The following CASK variants were observed in gnomAD, a reference collection of about 807,000 sequenced individuals.
CASK encodes the protein peripheral plasma membrane protein CASK.
Under a neutral mutation model 82.9 loss-of-function variants are expected in CASK, and 4 were observed. That is an observed-to-expected ratio of 0.05 (90% CI 0.02 to 0.11). CASK has a LOEUF of 0.11. Among genes scored for constraint, CASK ranks in the 10% least tolerant of loss-of-function variants. The pLI is 1.00. For synonymous variants in CASK, 259 were observed against 253.5 expected (o/e 1.02, Z -0.20); for missense variants, 358 against 720.9 (o/e 0.50, Z 5.76).
At chrX:41,700,290 A>G (rs1369786426) in intron 5 of CASK, among the ~76,000 whole-genome samples, 1 of 112,000 alleles carries the variant, frequency 8.9e-6, no homozygotes, top group African/African-American at 3.2e-5. Flanking sequence ...TAGAGGTAAT[A>G]TAACTATTTG....
intron 2 of CASK, among the ~76,000 whole-genome samples, chrX:41,804,067 G>T (rs1602648337): frequency 9.0e-6 from 1 of 111,527 alleles, no homozygotes; most frequent in East Asian, 2.8e-4. Flanking sequence ...ATGATAATTG[G>T]CCAGGCGCGG....
chrX:41,733,058 C>A (rs997570521), intron 5 of CASK, among the ~76,000 whole-genome samples: 5 of 108,765 alleles, frequency 4.6e-5, no homozygotes, highest in Non-Finnish European at 5.7e-5. Context: ...CGCCTGTAAT[C>A]TCAGCTACTC....
chrX:41,829,324 A>G (rs2070735854), intron 2 of CASK, among the ~76,000 whole-genome samples: 1 of 110,220 alleles, frequency 9.1e-6, no homozygotes, highest in East Asian at 2.9e-4. Context: ...TTGACCTCAA[A>G]CTTCATATAT....
chrX:41,869,228 A>G (rs1305579722), intron 1 of CASK, among the ~76,000 whole-genome samples: 1 of 111,598 alleles, frequency 9.0e-6, no homozygotes, highest in Non-Finnish European at 1.9e-5. Flanking sequence ...GAGTGAGTGA[A>G]TACCTACAGT....
At chrX:41,899,350 A>C (rs2072327188) in intron 1 of CASK, among the ~76,000 whole-genome samples, 1 of 111,010 alleles carries the variant, frequency 9.0e-6, no homozygotes, top group African/African-American at 3.3e-5. Context: ...GTTGAGTCTT[A>C]TTTCTTTTTA....
chrX:41,790,171 C>A (rs1020459028), intron 2 of CASK: 5 of 907,001 alleles, frequency 5.5e-6, no homozygotes, highest in Non-Finnish European at 7.1e-6. Flanking sequence ...TTTTTATTTG[C>A]CACTATTTTA....
Position 41,539,137 on chromosome X carries a change from A to T in CASK, c.2155+3554T>A, listed in dbSNP as rs780811437. Among the ~76,000 whole-genome samples the T allele has an allele frequency of 4.5e-5, 5 of 112,239 alleles. No individual in the cohort carries two copies. In the East Asian group the frequency reaches 1.4e-3, roughly 31 times the overall value. On this transcript the variant is annotated intron_variant, in intron 22 of 26. Transcript: ENST00000378163. Reference sequence around the variant, plus strand: ...TGTGTGTGTGGGAGTTAGAGGGACAAAATTTACTTATGGGTCAAATTCAGC... The same window carrying T: ...TGTGTGTGTGGGAGTTAGAGGGACATAATTTACTTATGGGTCAAATTCAGC...
intron 5 of CASK, among the ~76,000 whole-genome samples, chrX:41,685,968 T>C (rs774181559): frequency 1.4e-4 from 16 of 111,947 alleles, no homozygotes; most frequent in Non-Finnish European, 2.8e-4. Flanking sequence ...TTTCAAGGAA[T>C]AGAAGAATGA....
At chrX:41,697,409 T>C (rs1188603686) in intron 5 of CASK, 2 of 117,475 alleles carry the variant, frequency 1.7e-5, no homozygotes, top group Admixed American at 9.5e-5. Flanking sequence ...TTAAAACAGG[T>C]TTATAAACAA....
chrX:41,727,064 T>C, intron 5 of CASK: 1 of 1,171,230 alleles, frequency 8.5e-7, no homozygotes, highest in Non-Finnish European at 1.2e-6. Context: ...CCATCTATGA[T>C]CTCTTCCATG....
intron 21 of CASK, among the ~76,000 whole-genome samples, chrX:41,544,548 C>T (rs1222217781): frequency 1.1e-5 from 1 of 93,215 alleles, no homozygotes; most frequent in African/African-American, 4.1e-5. Flanking sequence ...CCTGGGCAAC[C>T]GAGCGAGACC....
chrX:41,565,155 T>C (rs767120243), intron 16 of CASK, among the ~76,000 whole-genome samples: 2 of 111,671 alleles, frequency 1.8e-5, no homozygotes, highest in African/African-American at 3.3e-5. Context: ...ATCGACACCC[T>C]AGCATCACGA....
intron 16 of CASK, among the ~76,000 whole-genome samples, chrX:41,568,273 AATG>A (rs1344157322): frequency 3.6e-5 from 4 of 111,213 alleles, no homozygotes; most frequent in African/African-American, 9.8e-5. Context: ...AAAAAGAAAG[AATG>A]ATGTTGTGGC....
chrX:41,605,294 G>A (rs2065942565), intron 12 of CASK, among the ~76,000 whole-genome samples: 1 of 111,229 alleles, frequency 9.0e-6, no homozygotes, highest in Admixed American at 9.6e-5. Flanking sequence ...GTCCCTACTT[G>A]GAATCCTTAA....
rs1178705156 is a variant in CASK, at chrX:41,660,234, G to C, written c.831+205C>G. On this transcript the variant is annotated intron_variant, in intron 8 of 26. Transcript: ENST00000378163. ...GTCTTAATCCTGTTTTTTACCCTCTGATAGCTGCATGACACTCAAATGGTA... is the reference window on the plus strand; with the variant it reads ...GTCTTAATCCTGTTTTTTACCCTCTCATAGCTGCATGACACTCAAATGGTA... The C allele has an allele frequency of 6.6e-6, 3 of 454,853 alleles. No individual in the cohort carries two copies. The African/African-American group carries it at 7.3e-5, about 11-fold the overall frequency. 37.5% of individuals were successfully genotyped at this position (454,853 alleles called of 1,213,427 possible).
At chrX:41,809,521 T>C in intron 2 of CASK, among the ~76,000 whole-genome samples, 1 of 112,381 alleles carries the variant, frequency 8.9e-6, no homozygotes, top group Non-Finnish European at 1.9e-5. Context: ...GACCTGCAGC[T>C]GAGGGTCCTG....
At position 41,858,470 on chromosome X, in the gene CASK, C is replaced by G. The variant is rs757873886; in HGVS notation, c.60-5243G>C. Among the ~76,000 whole-genome samples, 3 of 112,145 alleles carry G rather than the reference C, an allele frequency of 2.7e-5. No individual in the cohort carries two copies. In the South Asian group the frequency reaches 1.1e-3, roughly 42 times the overall value. ...AGAATGGGAGGCAGGCATCAGGGAG[C>G]TGAAGAGCAGGAAATGCAGGGCAGC... On this transcript the variant is annotated intron_variant, in intron 1 of 26. Coordinates refer to ENST00000378163, the MANE Select transcript of CASK (RefSeq NM_001367721.1).
At chrX:41,576,185 C>T (rs767932529) in intron 15 of CASK, among the ~76,000 whole-genome samples, 5 of 109,520 alleles carry the variant, frequency 4.6e-5, no homozygotes, top group South Asian at 4.0e-4. Flanking sequence ...ATATTGGCCA[C>T]GCTGGTCTCG....
In CASK at chrX:41,578,405, T is replaced by C. The variant is rs2065514700; in HGVS notation, c.1438A>G (p.Met480Val). The change falls in exon 15 of 27, where the codon ATG (methionine) becomes GTG (valine). Residue 480 changes from methionine (M) to valine (V), a missense_variant. Coordinates refer to ENST00000378163, the MANE Select transcript of CASK (RefSeq NM_001367721.1). Reference sequence around the variant, plus strand: ...ACTCTGGTCACATTCTCCATATCCATGTCTCCGTTAGCACTTTCTGGAGAA... The same window carrying C: ...ACTCTGGTCACATTCTCCATATCCACGTCTCCGTTAGCACTTTCTGGAGAA... ...GDSPESANGD[M>V]DMENVTRVRL... 1.7e-6 allele frequency: 2 copies of C among 1,207,552 alleles called. No homozygotes were observed. The highest frequency in any genetic ancestry group is 1.1e-6 in the Non-Finnish European group (1 of 891,851).
Sources: allele counts gnomAD v4.1 joint callset (sites outside exome capture counted in the v4.1 genomes callset), GRCh38; gene constraint gnomAD v4.1.1; transcripts MANE v1.5; gene names NCBI Gene and HGNC (gene_info 2026-07-23, HGNC 2026-07-21).